The following PCDHA5 variants were observed in gnomAD, a reference collection of about 807,000 sequenced individuals.
PCDHA5 encodes protocadherin alpha-5.
Under a neutral mutation model 61.6 loss-of-function variants are expected in PCDHA5, and 43 were observed. That is an observed-to-expected ratio of 0.70 (90% CI 0.55 to 0.90). PCDHA5 has a LOEUF of 0.90. Ranked by LOEUF, PCDHA5 falls within the 40% of genes least tolerant of loss-of-function variation. The pLI is 0.00. For synonymous variants in PCDHA5, 627 were observed against 543.9 expected, an observed-to-expected ratio of 1.15 and a Z score of -2.13; for missense variants, 1,298 against 1,222.7, an observed-to-expected ratio of 1.06 and a Z score of -0.92.
chr5:140,876,853 A>G, intron 1 of PCDHA5: 1 of 1,614,094 alleles, frequency 6.2e-7, no homozygotes. Context: ...GCCCGAGTAC[A>G]CAGTGTTCGT....
chr5:140,866,149 T>C (rs1554160036), intron 1 of PCDHA5: 1 of 152,130 alleles, frequency 6.6e-6, no homozygotes, highest in Non-Finnish European at 1.5e-5. Flanking sequence ...GGAAGTGATA[T>C]AAGTAAGAAT....
intron 1 of PCDHA5, chr5:140,882,745 T>A (rs782756975): frequency 4.3e-6 from 7 of 1,614,124 alleles, no homozygotes; most frequent in African/African-American, 1.3e-5. Flanking sequence ...GCGCATCCGA[T>A]GCAGATATTG....
intron 1 of PCDHA5, chr5:140,856,840 C>G: frequency 6.3e-7 from 1 of 1,591,894 alleles, no homozygotes; most frequent in Non-Finnish European, 8.6e-7. Flanking sequence ...TACGGCTCAA[C>G]GCTTCTGATT....
rs150360427 is a variant in PCDHA5 at position 140,892,912 on chromosome 5, T to C, written c.2352+68785T>C. Among the ~76,000 whole-genome samples, 3 of 152,298 alleles carry C rather than the reference T, an allele frequency of 2.0e-5. No homozygotes were observed. In the East Asian group the frequency reaches 5.8e-4, roughly 29 times the overall value. Reference sequence around the variant, plus strand: ...CAACCTTTCCCCATCCTCCTTTTCCTTCACCCTTCCCAGCCTCTGATAAGC... The same window carrying C: ...CAACCTTTCCCCATCCTCCTTTTCCCTCACCCTTCCCAGCCTCTGATAAGC... On this transcript the variant is annotated intron_variant, in intron 1 of 3. Coordinates refer to ENST00000529859, the MANE Select transcript of PCDHA5 (RefSeq NM_018908.3).
At chr5:140,829,688 T>C in intron 1 of PCDHA5, 1 of 1,613,234 alleles carries the variant, frequency 6.2e-7, no homozygotes, top group Non-Finnish European at 8.5e-7. Flanking sequence ...GCTGCTGCAG[T>C]TTCAGGTGAG....
intron 1 of PCDHA5, among the ~76,000 whole-genome samples, chr5:140,923,629 G>A (rs1350871926): frequency 6.6e-6 from 1 of 152,138 alleles, no homozygotes; most frequent in Non-Finnish European, 1.5e-5. Flanking sequence ...TTATCCAAAA[G>A]GCAAAAATCT....
At chr5:140,879,483 T>C (rs2153367251) in intron 1 of PCDHA5, among the ~76,000 whole-genome samples, 1 of 152,292 alleles carries the variant, frequency 6.6e-6, no homozygotes, top group Non-Finnish European at 1.5e-5. Context: ...TGATTGGAAA[T>C]ATGGGTCTGG....
intron 1 of PCDHA5, among the ~76,000 whole-genome samples, chr5:140,972,550 A>G (rs534377572): frequency 6.6e-6 from 1 of 152,114 alleles, no homozygotes; most frequent in Admixed American, 6.5e-5. Context: ...TGCAGTGAGG[A>G]TTCTGAAGTA....
chr5:140,968,511 C>T, intron 1 of PCDHA5: 2 of 1,614,198 alleles, frequency 1.2e-6, no homozygotes, highest in Non-Finnish European at 1.7e-6. Context: ...ATTCTGTACC[C>T]TACCTCAACC....
intron 1 of PCDHA5, chr5:140,877,460 C>T: frequency 6.2e-7 from 1 of 1,613,840 alleles, no homozygotes; most frequent in Non-Finnish European, 8.5e-7. Context: ...ACGTCCACGG[C>T]CACGGTGCTG....
intron 1 of PCDHA5, chr5:140,870,673 C>T (rs1554164562): frequency 1.9e-6 from 3 of 1,612,666 alleles, no homozygotes; most frequent in Non-Finnish European, 1.7e-6. Context: ...GCCGTTGGAC[C>T]ACGAGGAGCT....
Position 140,991,900 on chromosome 5 carries a change from ATCCC to A in PCDHA5, c.2500+9339_2500+9342del, listed in dbSNP as rs576684602. Reference sequence around the variant, plus strand: ...GGCTGCCATAACAAATTAACACAAAATCCCTTTTGCCATGTAACATAACATATTC... The same window carrying A: ...GGCTGCCATAACAAATTAACACAAAATTTTGCCATGTAACATAACATATTC... On this transcript the variant is annotated intron_variant, in intron 3 of 3. Coordinates refer to ENST00000529859, the MANE Select transcript of PCDHA5 (RefSeq NM_018908.3). Among the ~76,000 whole-genome samples, 390 of 152,250 alleles carry A rather than the reference ATCCC, an allele frequency of 2.6e-3. 2 individuals carry two copies. The highest frequency in any genetic ancestry group is 4.8e-3 in the South Asian group (23 of 4,818).
At chr5:140,884,312 G>A in intron 1 of PCDHA5, 1 of 1,613,768 alleles carries the variant, frequency 6.2e-7, no homozygotes, top group Non-Finnish European at 8.5e-7. Context: ...TTCGTCGAGG[G>A]CGTCGGCAGG....
In PCDHA5 at chr5:141,009,945, A is replaced by C. The variant is rs2098415489; in HGVS notation, c.*8A>C. 5.0e-6 allele frequency: 8 copies of C among 1,596,112 alleles called. No homozygotes were observed. The highest frequency in any genetic ancestry group is 6.8e-6 in the Non-Finnish European group (8 of 1,173,736). On this transcript the variant is annotated 3_prime_UTR_variant, in exon 4 of 4. Coordinates refer to ENST00000529859, the MANE Select transcript of PCDHA5 (RefSeq NM_018908.3). ...GACAACAGTGACCAGTGAGGTCCTCAAATGGAAACAAGCCACTTAGCCAGT... is the reference window on the plus strand; with the variant it reads ...GACAACAGTGACCAGTGAGGTCCTCCAATGGAAACAAGCCACTTAGCCAGT...
At position 140,876,190 on chromosome 5, in the gene PCDHA5, C is replaced by T. The variant is rs782463342; in HGVS notation, c.2352+52063C>T. Reference sequence around the variant, plus strand: ...CGTCCTGGATGTGAATGACAATGGTCCGGCGTTTGATAAGCCCAGCTATAA... The same window carrying T: ...CGTCCTGGATGTGAATGACAATGGTTCGGCGTTTGATAAGCCCAGCTATAA... On this transcript the variant is annotated intron_variant, in intron 1 of 3. Coordinates refer to ENST00000529859, the MANE Select transcript of PCDHA5 (RefSeq NM_018908.3). 3.7e-6 allele frequency: 6 copies of T among 1,613,936 alleles called. No individual in the cohort carries two copies. The Admixed American group carries it at 5.0e-5, about 13-fold the overall frequency.
chr5:140,836,667 GA>G (rs2150267239), intron 1 of PCDHA5: 7 of 1,613,396 alleles, frequency 4.3e-6, no homozygotes, highest in Non-Finnish European at 5.9e-6. Context: ...GTGCTCTGGG[GA>G]GGGCCCACCC....
chr5:140,841,716 T>G lies in PCDHA5; in HGVS notation c.2352+17589T>G, dbSNP rs1554138489. The G allele has an allele frequency of 6.2e-7, 1 of 1,613,904 alleles. No homozygotes were observed. Among genetic ancestry groups the G allele is most frequent in the Admixed American group, 1.7e-5 (1 of 59,998 alleles). ...AAGGATGTTAATGACAACCCGCCAG[T>G]GTTCCGGGTAAAAGACCAAAAGCTG... On this transcript the variant is annotated intron_variant, in intron 1 of 3. Transcript: ENST00000529859.
At chr5:140,830,140 G>T (rs1305649998) in intron 1 of PCDHA5, 2 of 1,613,352 alleles carry the variant, frequency 1.2e-6, no homozygotes. Flanking sequence ...CACGGGCGTC[G>T]GTGGGCGCCG....
intron 3 of PCDHA5, among the ~76,000 whole-genome samples, chr5:141,007,907 A>G (rs1402621923): frequency 6.6e-6 from 1 of 152,186 alleles, no homozygotes; most frequent in Non-Finnish European, 1.5e-5. Flanking sequence ...TTCTTTGTTG[A>G]AGATGCTATA....
Sources: allele counts gnomAD v4.1 joint callset (sites outside exome capture counted in the v4.1 genomes callset), GRCh38; gene constraint gnomAD v4.1.1; transcripts MANE v1.5; gene names NCBI Gene and HGNC (gene_info 2026-07-23, HGNC 2026-07-21).